The following IZUMO4 variants were observed in gnomAD, a reference collection of about 807,000 sequenced individuals.
The protein encoded by IZUMO4 is IZUMO family member 4, also known as izumo sperm-egg fusion protein 4.
IZUMO4 carries 51 observed loss-of-function variants against 37.1 expected under a neutral mutation model. The ratio of observed to expected loss-of-function variants is 1.38; its 90% CI spans 1.10 to 1.74. IZUMO4 has a LOEUF of 1.74. IZUMO4 is among the 40% of genes most tolerant of loss of function. The pLI is 0.00. For synonymous variants in IZUMO4, 162 were observed against 121.4 expected (o/e 1.33, Z -2.20); for missense variants, 364 against 299.6 (o/e 1.21, Z -1.59).
chr19:2,097,187 C>T (rs2017724523), intron 1 of IZUMO4, 25 bp downstream of exon 1: 2 of 1,605,296 alleles, frequency 1.2e-6, no homozygotes, highest in Admixed American at 3.3e-5. Flanking sequence ...CCAGCCCAGT[C>T]CCGACTACCC....
Position 2,099,250 on chromosome 19 carries a change from C to A in IZUMO4, c.609-5C>A. Reference sequence around the variant, plus strand: ...GAGAGCTGAGGCAGCCTCGTCTCCCCGCAGCCTGGTATCGCCAGCCTTAAG... The same window carrying A: ...GAGAGCTGAGGCAGCCTCGTCTCCCAGCAGCCTGGTATCGCCAGCCTTAAG... On this transcript the variant is annotated splice_polypyrimidine_tract_variant and splice_region_variant and intron_variant, in intron 9 of 9. Coordinates refer to ENST00000395301, the MANE Select transcript of IZUMO4 (RefSeq NM_001039846.2). 1 of 1,612,492 alleles carries A rather than the reference C, an allele frequency of 6.2e-7. No individual in the cohort carries two copies. Among genetic ancestry groups the A allele is most frequent in the African/African-American group, 1.3e-5 (1 of 75,028 alleles).
chr19:2,097,404 C>T lies in IZUMO4; in HGVS notation c.299-20C>T. 2.0e-6 allele frequency: 3 copies of T among 1,515,874 alleles called. No homozygotes were observed. The highest frequency in any genetic ancestry group is 2.2e-5 in the South Asian group (2 of 89,224). The allele number at this position is 1,515,874 out of a possible 1,614,324, so 93.9% of individuals were successfully genotyped here. Reference sequence around the variant, plus strand: ...CCGCCCACCGCCTGAGCCTGACCTTCTCCTGCCTCGACGACTCAGGGTATT... The same window carrying T: ...CCGCCCACCGCCTGAGCCTGACCTTTTCCTGCCTCGACGACTCAGGGTATT... On this transcript the variant is annotated intron_variant, in intron 2 of 9. Transcript: ENST00000395301.
intron 9 of IZUMO4, 79 bp downstream of exon 9, chr19:2,099,108 C>T: frequency 3.5e-6 from 5 of 1,440,594 alleles, no homozygotes; most frequent in Non-Finnish European, 4.9e-6. Flanking sequence ...CCTGCACACC[C>T]TGCTGACATC....
In IZUMO4 at chr19:2,097,429, T is replaced by G. The variant is rs769356403; in HGVS notation, c.304T>G (p.Phe102Val). ...YQGKMYFPGY[F>V]PNELRNIFRE... ...CTCCTGCCTCGACGACTCAGGGTAT[T>G]TCCCCAACGAGCTGCGAAACATCTT... The change falls in exon 3 of 10, where the codon TTC becomes GTC. Residue 102 changes from phenylalanine to valine, a missense_variant. Coordinates refer to ENST00000395301, the MANE Select transcript of IZUMO4 (RefSeq NM_001039846.2). The G allele has an allele frequency of 6.2e-7, 1 of 1,613,048 alleles. No homozygotes were observed. Among genetic ancestry groups the G allele is most frequent in the Non-Finnish European group, 8.5e-7 (1 of 1,179,906 alleles).
chr19:2,098,412 A>G (rs760758139), intron 6 of IZUMO4, 24 bp from the exon 7 acceptor site: 2 of 1,613,872 alleles, frequency 1.2e-6, no homozygotes, highest in Non-Finnish European at 1.7e-6. Flanking sequence ...CGGCCTCCTG[A>G]GTCCAAACCC....
chr19:2,098,079 G>A lies in IZUMO4; in HGVS notation c.425G>A (p.Cys142Tyr), dbSNP rs958210815. Residue 142 changes from cysteine to tyrosine, a missense_variant, in exon 5 of 10, where the codon TGC (cysteine) becomes TAC (tyrosine). Transcript: ENST00000395301. ...ATCTTCCAGTACGAGACCATCTCCT[G>A]CAACAACTGCACAGACTCGCACGTC... ...CGIFQYETIS[C>Y]NNCTDSHVAC... 3 of 1,613,396 alleles carry A rather than the reference G, an allele frequency of 1.9e-6. No homozygotes were observed. The highest frequency in any genetic ancestry group is 2.7e-5 in the African/African-American group (2 of 74,938).
Position 2,097,043 on chromosome 19 carries a change from G to C in IZUMO4, c.98G>C (p.Arg33Pro). 1 of 1,612,476 alleles carries C rather than the reference G, an allele frequency of 6.2e-7. No homozygotes were observed. The highest frequency in any genetic ancestry group is 8.5e-7 in the Non-Finnish European group (1 of 1,179,846). Residue 33 changes from arginine to proline, a missense_variant, in exon 1 of 10, where the codon CGC becomes CCC. By Grantham distance (103) the Arg-to-Pro change is moderately radical. Coordinates refer to ENST00000395301, the MANE Select transcript of IZUMO4 (RefSeq NM_001039846.2). ...SNFSKKFSFY[R>P]HHVNFKSWWV... ...TTCTCCAAGAAGTTCTCCTTCTACC[G>C]CCACCATGTGAACTTCAAGTCCTGG...
At chr19:2,097,373 G>A (rs765122322) in intron 2 of IZUMO4, 41 bp downstream of exon 2, 2 of 1,605,106 alleles carry the variant, frequency 1.2e-6, no homozygotes, top group Admixed American at 1.7e-5. Flanking sequence ...CCCACCCCGG[G>A]ACACCCCGCC....
rs761127482 is a variant in IZUMO4, at chr19:2,097,088, T to G, written c.143T>G (p.Val48Gly). Residue 48 changes from valine (V) to glycine (G), a missense_variant, in exon 1 of 10, where the codon GTG (valine) becomes GGG (glycine). Physicochemically the swap from Val to Gly is moderately radical, Grantham distance 109 (BLOSUM62 -3). Coordinates refer to ENST00000395301, the MANE Select transcript of IZUMO4 (RefSeq NM_001039846.2). ...TCCTGGTGGGTGGGCGACATCCCCG[T>G]GTCAGGGGCGCTGCTCACCGACTGG... The part of the protein sequence containing the change: ...FKSWWVGDIP[V>G]SGALLTDWSD... 8.1e-5 allele frequency: 130 copies of G among 1,612,660 alleles called. 2 individuals carry two copies. In the South Asian group the frequency reaches 1.4e-3, roughly 17 times the overall value.
rs1450060376 is a variant in IZUMO4, at chr19:2,099,395, ACAGC to A, written c.*52_*55del. 2 of 1,320,184 alleles carry A rather than the reference ACAGC, an allele frequency of 1.5e-6. No individual in the cohort carries two copies. Among genetic ancestry groups the A allele is most frequent in the Admixed American group, 3.9e-5 (2 of 51,348 alleles). 81.8% of individuals were successfully genotyped at this position (1,320,184 alleles called of 1,614,324 possible). A position where few individuals can be genotyped will look rare whatever the true frequency, so the allele number is the denominator to read the frequency against. Reference sequence around the variant, plus strand: ...AACGTGGGGGCGGAGACTCAGCTGGACAGCCCCTGCCTGTCACTCTGGAGCTGGG... The same window carrying A: ...AACGTGGGGGCGGAGACTCAGCTGGACCCTGCCTGTCACTCTGGAGCTGGG... On this transcript the variant is annotated 3_prime_UTR_variant, in exon 10 of 10. Coordinates refer to ENST00000395301, the MANE Select transcript of IZUMO4 (RefSeq NM_001039846.2).
chr19:2,098,643 G>C, intron 7 of IZUMO4, 144 bp from the exon 8 acceptor site: 2 of 1,554,946 alleles, frequency 1.3e-6, no homozygotes, highest in South Asian at 1.2e-5. Context: ...CCGACCCTCA[G>C]CTGGAGGCGG....
chr19:2,099,586 T>G lies in IZUMO4; in HGVS notation c.*241T>G. ...TGATTAAAGTCCCTGATGTTTCTCT[T>G]TGCAGAAGAGTTCTTGTTGGGGCAG... On this transcript the variant is annotated 3_prime_UTR_variant, in exon 10 of 10. Transcript: ENST00000395301. The G allele has an allele frequency of 5.5e-6, 3 of 541,150 alleles. No individual in the cohort carries two copies. Among genetic ancestry groups the G allele is most frequent in the Non-Finnish European group, 6.7e-6 (2 of 298,528 alleles). The allele number at this position is 541,150 out of a possible 1,614,324, so 33.5% of individuals were successfully genotyped here.
chr19:2,096,949 G>T lies in IZUMO4; in HGVS notation c.4G>T (p.Ala2Ser). ...CCGGCGGCGGGCCGGGACGGGCATGGCCCTGCTGCTGTGCCTGGTGTGCCT... is the reference window on the plus strand; with the variant it reads ...CCGGCGGCGGGCCGGGACGGGCATGTCCCTGCTGCTGTGCCTGGTGTGCCT... Reference protein sequence around the residue: MALLLCLVCLTA... With the variant: MSLLLCLVCLTA... Residue 2 changes from alanine (A) to serine (S), a missense_variant, in exon 1 of 10, where the codon GCC (alanine) becomes TCC (serine). Ala to Ser is a moderately conservative substitution (Grantham distance 99, BLOSUM62 1). Transcript: ENST00000395301. 6.2e-7 allele frequency: 1 copy of T among 1,604,598 alleles called. No individual in the cohort carries two copies.
chr19:2,099,423 G>GGCT lies in IZUMO4; in HGVS notation c.*87_*89dup. 1 of 1,086,548 alleles carries GGCT rather than the reference G, an allele frequency of 9.2e-7. No individual in the cohort carries two copies. The highest frequency in any genetic ancestry group is 1.4e-6 in the Non-Finnish European group (1 of 728,252). 67.3% of individuals were successfully genotyped at this position (1,086,548 alleles called of 1,614,324 possible). ...GCCCCTGCCTGTCACTCTGGAGCTG[G>GGCT]GCTGCTGCTGCCTCAGGACCCCCTC... On this transcript the variant is annotated 3_prime_UTR_variant, in exon 10 of 10. Coordinates refer to ENST00000395301, the MANE Select transcript of IZUMO4 (RefSeq NM_001039846.2).
rs1306896674 is a variant in IZUMO4, at chr19:2,099,442, C to T, written c.*97C>T. 3.5e-6 allele frequency: 3 copies of T among 869,054 alleles called. No homozygotes were observed. The highest frequency in any genetic ancestry group is 4.1e-5 in the Admixed American group (2 of 48,982). 53.8% of individuals were successfully genotyped at this position (869,054 alleles called of 1,614,324 possible). A position where few individuals can be genotyped will look rare whatever the true frequency, so the allele number is the denominator to read the frequency against. On this transcript the variant is annotated 3_prime_UTR_variant, in exon 10 of 10. Coordinates refer to ENST00000395301, the MANE Select transcript of IZUMO4 (RefSeq NM_001039846.2). ...GAGCTGGGCTGCTGCTGCCTCAGGACCCCCTCTCCGACCCCGGACAGAGCT... is the reference window on the plus strand; with the variant it reads ...GAGCTGGGCTGCTGCTGCCTCAGGATCCCCTCTCCGACCCCGGACAGAGCT...
rs780562102 is a variant in IZUMO4 at position 2,097,493 on chromosome 19, A to T, written c.368A>T (p.Glu123Val). Residue 123 changes from glutamate to valine, a missense_variant and splice_region_variant, in exon 3 of 10, where the codon GAA becomes GTA. By Grantham distance (121) the Glu-to-Val change is moderately radical. Coordinates refer to ENST00000395301, the MANE Select transcript of IZUMO4 (RefSeq NM_001039846.2). ...CACCTCATCCAGAACGCCATCATCGAAAGTGAGCAAATAAGGCTTCAGAGG... is the reference window on the plus strand; with the variant it reads ...CACCTCATCCAGAACGCCATCATCGTAAGTGAGCAAATAAGGCTTCAGAGG... ...QVHLIQNAII[E>V]SRIDCQHRCG... is the part of the protein sequence containing the mutation. The T allele has an allele frequency of 1.2e-6, 2 of 1,612,810 alleles. No individual in the cohort carries two copies. Among genetic ancestry groups the T allele is most frequent in the South Asian group, 2.2e-5 (2 of 91,066 alleles).
intron 5 of IZUMO4, 21 bp from the exon 6 acceptor site, chr19:2,098,266 T>A (rs1434726804): frequency 6.2e-7 from 1 of 1,613,590 alleles, no homozygotes; most frequent in Non-Finnish European, 8.5e-7. Context: ...GGCGCACCAC[T>A]TCCAAGCCTG....
Position 2,097,950 on chromosome 19 carries a change from G to A in IZUMO4, c.392G>A (p.Arg131His), listed in dbSNP as rs748066203. 1.9e-6 allele frequency: 3 copies of A among 1,613,174 alleles called. No homozygotes were observed. Among genetic ancestry groups the A allele is most frequent in the Admixed American group, 3.3e-5 (2 of 60,028 alleles). Residue 131 changes from arginine (R) to histidine (H), a missense_variant, in exon 4 of 10, where the codon CGC becomes CAC. Physicochemically the swap from Arg to His is conservative, Grantham distance 29 (BLOSUM62 0). Transcript: ENST00000395301. ...ACAGGCCGCATCGACTGTCAGCACC[G>A]CTGTGGTAAGCAAGGCTCCGTCCAG... ...IIESRIDCQH[R>H]CGIFQYETIS...
intron 8 of IZUMO4, 62 bp from the exon 9 acceptor site, chr19:2,098,914 A>G: frequency 6.3e-7 from 1 of 1,591,498 alleles, no homozygotes; most frequent in East Asian, 2.2e-5. Flanking sequence ...CTCTCCCTAT[A>G]CCTGGGACAC....
Sources: gnomAD v4.1 joint callset for allele counts on GRCh38, gnomAD v4.1.1 for gene constraint, MANE v1.5 for transcripts, NCBI Gene and HGNC (gene_info 2026-07-23, HGNC 2026-07-21) for gene names.